Variants in MAP3K8 observed in about 807,000 individuals in gnomAD.
MAP3K8 encodes the protein Ewing sarcoma transformant.
MAP3K8 carries 22 observed loss-of-function variants against 45.8 expected under a neutral mutation model. The observed-to-expected ratio is 0.48, with a 90% CI of 0.34 to 0.69. MAP3K8 has a LOEUF of 0.69. Among genes scored for constraint, MAP3K8 ranks in the 30% least tolerant of loss-of-function variants. The pLI is 0.01. For synonymous variants in MAP3K8, 223 were observed against 214.3 expected, an observed-to-expected ratio of 1.04 and a Z score of -0.36; for missense variants, 419 against 585.0, an observed-to-expected ratio of 0.72 and a Z score of 2.93.
At chr10:30,446,194 T>C (rs1836327275) in intron 3 of MAP3K8, among the ~76,000 whole-genome samples, 1 of 152,136 alleles carries the variant, frequency 6.6e-6, no homozygotes, top group South Asian at 2.1e-4. Flanking sequence ...CACCTAGTTG[T>C]TCAGCTTCTT....
intron 1 of MAP3K8, among the ~76,000 whole-genome samples, chr10:30,435,322 C>T (rs2132770569): frequency 6.6e-6 from 1 of 152,226 alleles, no homozygotes; most frequent in Non-Finnish European, 1.5e-5. Context: ...CTCTCTGCGA[C>T]GGATTGAGGT....
rs1836405011 is a variant in MAP3K8, at chr10:30,448,168, A to T, written c.504+219A>T. 2.6e-5 allele frequency among the ~76,000 whole-genome samples: 4 copies of T among 152,274 alleles called. No individual in the cohort carries two copies. In the South Asian group the frequency reaches 8.3e-4, roughly 32 times the overall value. On this transcript the variant is annotated intron_variant, in intron 4 of 8. Coordinates refer to ENST00000263056, the MANE Select transcript of MAP3K8 (RefSeq NM_005204.4). ...TGCATAGTTGATTTTAATCTAGATG[A>T]TTAAAAGGATAAGTGCTGGTTTTTA...
At chr10:30,439,472 C>G in intron 3 of MAP3K8, 198 bp downstream of exon 3, 1 of 1,153,364 alleles carries the variant, frequency 8.7e-7, no homozygotes, top group Non-Finnish European at 1.2e-6. Flanking sequence ...TTTAAAGATT[C>G]TTGATCATAT....
intron 6 of MAP3K8, among the ~76,000 whole-genome samples, chr10:30,452,878 T>C (rs1836600475): frequency 6.6e-6 from 1 of 151,218 alleles, no homozygotes; most frequent in African/African-American, 2.4e-5. Flanking sequence ...CAGGTTTCAC[T>C]ATGTTGGCCA....
rs55962705 is a variant in MAP3K8, at chr10:30,439,160, A to C, written c.222A>C (p.Ser74=). Reference sequence around the variant, plus strand: ...GTGGCCAAGAGGTACCATGGTTGTCATCAGTCAGATATGGAACTGTGGAGG... The same window carrying C: ...GTGGCCAAGAGGTACCATGGTTGTCCTCAGTCAGATATGGAACTGTGGAGG... ...LLSGQEVPWL[S]SVRYGTVEDL... Residue 74 remains serine, a synonymous_variant, in exon 3 of 9, where the codon TCA becomes TCC. Transcript: ENST00000263056. 471 of 1,614,232 alleles carry C rather than the reference A, an allele frequency of 2.9e-4. No individual in the cohort carries two copies. The highest frequency in any genetic ancestry group is 1.3e-3 in the African/African-American group (94 of 75,068).
chr10:30,437,184 T>C lies in MAP3K8; in HGVS notation c.-246T>C, dbSNP rs745808893. 1.0e-6 allele frequency: 1 copy of C among 985,264 alleles called. No individual in the cohort carries two copies. The highest frequency in any genetic ancestry group is 1.2e-6 in the Non-Finnish European group (1 of 829,934). 61.0% of individuals were successfully genotyped at this position (985,264 alleles called of 1,614,324 possible). A position where few individuals can be genotyped will look rare whatever the true frequency, so the allele number is the denominator to read the frequency against. On this transcript the variant is annotated 5_prime_UTR_variant, in exon 2 of 9. Transcript: ENST00000263056. ...TTTATGTCTTGTTTTAGATGCAATCTTCTTACCGCGAAGAAGCCAGGGGAA... is the reference window on the plus strand; with the variant it reads ...TTTATGTCTTGTTTTAGATGCAATCCTCTTACCGCGAAGAAGCCAGGGGAA...
At chr10:30,436,522 T>C (rs1442167588) in intron 1 of MAP3K8, among the ~76,000 whole-genome samples, 1 of 152,148 alleles carries the variant, frequency 6.6e-6, no homozygotes, top group Non-Finnish European at 1.5e-5. Context: ...TTGTGTGTGT[T>C]CAAGCTCTTG....
At chr10:30,452,116 T>C (rs754112614) in intron 6 of MAP3K8, among the ~76,000 whole-genome samples, 6 of 151,826 alleles carry the variant, frequency 4.0e-5, no homozygotes, top group Admixed American at 6.6e-5. Flanking sequence ...GGAGGATCAA[T>C]TGAGCCCAGG....
At chr10:30,455,342 C>G (rs1836697999) in intron 6 of MAP3K8, among the ~76,000 whole-genome samples, 1 of 152,182 alleles carries the variant, frequency 6.6e-6, no homozygotes, top group African/African-American at 2.4e-5. Flanking sequence ...TGCAGACTGG[C>G]TGATGTTAGA....
intron 1 of MAP3K8, among the ~76,000 whole-genome samples, chr10:30,436,818 T>TG (rs397825738): frequency 6.6e-6 from 1 of 151,484 alleles, no homozygotes; most frequent in African/African-American, 2.4e-5. Context: ...TTTTTTTTTT[T>TG]CTGTCAAATC....
Position 30,459,425 on chromosome 10 carries a change from G to A in MAP3K8, c.1197G>A (p.Gln399=), listed in dbSNP as rs1377486358. ...NPPREDQPRC[Q]SLDSALLERK... ...CCAGAGAGGATCAGCCACGCTGTCA[G>A]AGTCTGGACTCTGCCCTCTTGGAGC... Residue 399 remains glutamine, a synonymous_variant, in exon 8 of 9, where the codon CAG becomes CAA. Coordinates refer to ENST00000263056, the MANE Select transcript of MAP3K8 (RefSeq NM_005204.4). The A allele has an allele frequency of 1.9e-6, 3 of 1,614,174 alleles. No homozygotes were observed. Among genetic ancestry groups the A allele is most frequent in the Non-Finnish European group, 2.5e-6 (3 of 1,180,022 alleles).
At chr10:30,457,084 G>GA (rs778731032) in intron 6 of MAP3K8, among the ~76,000 whole-genome samples, 90 of 133,964 alleles carry the variant, frequency 6.7e-4, no homozygotes, top group East Asian at 1.1e-3. Context: ...ACCCCATCTC[G>GA]AAAAAAAAAA....
At chr10:30,438,080 T>G (rs1200669410) in intron 2 of MAP3K8, among the ~76,000 whole-genome samples, 1 of 152,252 alleles carries the variant, frequency 6.6e-6, no homozygotes, top group African/African-American at 2.4e-5. Context: ...TATAGTCACT[T>G]GGACTTGCTT....
At chr10:30,442,820 T>C (rs1836160165) in intron 3 of MAP3K8, among the ~76,000 whole-genome samples, 1 of 152,206 alleles carries the variant, frequency 6.6e-6, no homozygotes, top group South Asian at 2.1e-4. Context: ...AGATGTTCCT[T>C]AGGGCTTAGT....
intron 2 of MAP3K8, among the ~76,000 whole-genome samples, chr10:30,438,604 C>T (rs576765740): frequency 6.6e-5 from 10 of 152,280 alleles, no homozygotes; most frequent in Admixed American, 2.0e-4. Flanking sequence ...CTGAGCTGCT[C>T]TTGATTCGTG....
intron 5 of MAP3K8, among the ~76,000 whole-genome samples, chr10:30,451,309 A>T (rs1406027276): frequency 1.3e-5 from 2 of 152,188 alleles, no homozygotes; most frequent in African/African-American, 4.8e-5. Context: ...TTCACTGGGA[A>T]AAAAGATGGG....
chr10:30,450,076 C>T (rs1237244768), intron 4 of MAP3K8, among the ~76,000 whole-genome samples, 182 bp from the exon 5 acceptor site: 4 of 152,162 alleles, frequency 2.6e-5, no homozygotes, highest in Admixed American at 6.5e-5. Context: ...TTAAAGCTGA[C>T]TAACATAGTT....
chr10:30,435,950 A>G (rs2132772265), intron 1 of MAP3K8, among the ~76,000 whole-genome samples: 1 of 152,328 alleles, frequency 6.6e-6, no homozygotes, highest in Non-Finnish European at 1.5e-5. Flanking sequence ...GCCAGGAAAC[A>G]CTCACATTTT....
intron 4 of MAP3K8, among the ~76,000 whole-genome samples, chr10:30,448,218 T>A (rs1460747121): frequency 6.6e-6 from 1 of 152,080 alleles, no homozygotes; most frequent in Non-Finnish European, 1.5e-5. Flanking sequence ...ATAAATAACA[T>A]CATCACTCTT....
Sources: gnomAD v4.1 joint callset for allele counts (sites outside exome capture counted in the v4.1 genomes callset) on GRCh38, gnomAD v4.1.1 for gene constraint, MANE v1.5 for transcripts, NCBI Gene and HGNC (gene_info 2026-07-23, HGNC 2026-07-21) for gene names.